FRMD4B: variants seen among roughly 807,000 people sequenced by gnomAD.
FRMD4B encodes FERM domain-containing protein 4B.
Under a neutral mutation model 141.5 loss-of-function variants are expected in FRMD4B, and 74 were observed. That is an observed-to-expected ratio of 0.52 (90% CI 0.43 to 0.63). The LOEUF is 0.63. Among genes scored for constraint, FRMD4B ranks in the 30% least tolerant of loss-of-function variants. The pLI, the probability that FRMD4B is intolerant of heterozygous loss-of-function variation, is 0.00. For synonymous variants in FRMD4B, 506 were observed against 467.9 expected (o/e 1.08, Z -1.05); for missense variants, 1,366 against 1,253.4 (o/e 1.09, Z -1.36).
chr3:69,309,607 A>AT (rs34067186), intron 3 of FRMD4B, among the ~76,000 whole-genome samples: 35,540 of 109,074 alleles, frequency 0.33, 6,557 homozygotes, highest in Non-Finnish European at 0.38. Flanking sequence ...TACCTGGCTG[A>AT]TTTTTTTTTT....
chr3:69,531,505 G>C (rs1701008005), intron 1 of FRMD4B, among the ~76,000 whole-genome samples: 1 of 152,178 alleles, frequency 6.6e-6, no homozygotes. Context: ...AATCACTTAA[G>C]TGAAACAAAT....
chr3:69,535,934 C>A, intron 1 of FRMD4B: 1 of 387,630 alleles, frequency 2.6e-6, no homozygotes, highest in South Asian at 2.0e-5. Context: ...TCCCAGCTTT[C>A]ATTTTCCTGT....
chr3:69,193,180 T>A (rs1311090747), intron 17 of FRMD4B, among the ~76,000 whole-genome samples: 2 of 152,148 alleles, frequency 1.3e-5, no homozygotes, highest in Non-Finnish European at 2.9e-5. Context: ...GTGTACATAC[T>A]TATAAAACTG....
chr3:69,382,231 C>T (rs984912842), intron 1 of FRMD4B, among the ~76,000 whole-genome samples: 1 of 152,032 alleles, frequency 6.6e-6, no homozygotes, highest in Non-Finnish European at 1.5e-5. Flanking sequence ...GTAGAGATGG[C>T]GTTTTGCCAT....
At chr3:69,528,343 C>A (rs961180325) in intron 1 of FRMD4B, among the ~76,000 whole-genome samples, 2 of 145,352 alleles carry the variant, frequency 1.4e-5, no homozygotes, top group Non-Finnish European at 3.0e-5. Context: ...CTCTCTTTTT[C>A]TTTCCTTTTC....
At chr3:69,451,429 G>A (rs1171164055) in intron 1 of FRMD4B, among the ~76,000 whole-genome samples, 1 of 152,162 alleles carries the variant, frequency 6.6e-6, no homozygotes, top group Non-Finnish European at 1.5e-5. Context: ...AATATATTGT[G>A]ATTGATCAGC....
At chr3:69,512,623 T>C (rs1186281567) in intron 1 of FRMD4B, among the ~76,000 whole-genome samples, 1 of 152,164 alleles carries the variant, frequency 6.6e-6, no homozygotes, top group Non-Finnish European at 1.5e-5. Flanking sequence ...CCAGATATTA[T>C]TATTTCCTCA....
At position 69,216,308 on chromosome 3, in the gene FRMD4B, C is replaced by CT; in HGVS notation, c.830dup (p.Ile279AsnfsTer5). ...CTTGTATATCATATTGGCCAATTCC[C>CT]TTATAGCTTATTCCAAGCCACCAAG... is the stretch of plus-strand genomic sequence containing the variant. On this transcript the variant is annotated frameshift_variant, in exon 11 of 23. Coordinates refer to ENST00000398540, the MANE Select transcript of FRMD4B (RefSeq NM_015123.3). LOFTEE classifies it high-confidence loss of function. The CT allele has an allele frequency of 6.3e-7, 1 of 1,579,614 alleles. No homozygotes were observed. The highest frequency in any genetic ancestry group is 8.6e-7 in the Non-Finnish European group (1 of 1,157,820).
chr3:69,397,911 G>A (rs544732653), intron 2 of FRMD4B, among the ~76,000 whole-genome samples: 2 of 152,166 alleles, frequency 1.3e-5, no homozygotes, highest in Non-Finnish European at 2.9e-5. Flanking sequence ...AAAAAAGAGA[G>A]GTAAAACCAC....
intron 11 of FRMD4B, among the ~76,000 whole-genome samples, chr3:69,212,461 G>A (rs2093096208): frequency 6.7e-6 from 1 of 148,566 alleles, no homozygotes; most frequent in South Asian, 2.2e-4. Flanking sequence ...GGAGTGGCAT[G>A]TTTTGGAACT....
At chr3:69,501,446 T>C (rs1282017922) in intron 1 of FRMD4B, among the ~76,000 whole-genome samples, 1 of 152,118 alleles carries the variant, frequency 6.6e-6, no homozygotes, top group Non-Finnish European at 1.5e-5. Flanking sequence ...ATAGCATTGT[T>C]GTAAGAATTA....
chr3:69,191,381 C>T (rs1335256669), intron 17 of FRMD4B, among the ~76,000 whole-genome samples: 2 of 152,176 alleles, frequency 1.3e-5, no homozygotes, highest in Non-Finnish European at 2.9e-5. Flanking sequence ...GATCATGCCA[C>T]TGCACTCCAG....
At chr3:69,321,228 G>A (rs1025755768) in intron 1 of FRMD4B, among the ~76,000 whole-genome samples, 2 of 152,160 alleles carry the variant, frequency 1.3e-5, no homozygotes, top group Non-Finnish European at 2.9e-5. Context: ...TAACAACGGG[G>A]TCGTCTTACA....
At chr3:69,207,489 A>G (rs1300143830) in intron 11 of FRMD4B, among the ~76,000 whole-genome samples, 1 of 152,074 alleles carries the variant, frequency 6.6e-6, no homozygotes, top group Non-Finnish European at 1.5e-5. Flanking sequence ...CCATGTGGTA[A>G]ATGCTTAGAC....
intron 5 of FRMD4B, among the ~76,000 whole-genome samples, chr3:69,285,671 C>T (rs1700658033): frequency 6.6e-6 from 1 of 151,974 alleles, no homozygotes; most frequent in African/African-American, 2.4e-5. Context: ...TGGCGAAACC[C>T]CATTGCTACA....
At chr3:69,179,655 A>G (rs1397653387) in intron 21 of FRMD4B, among the ~76,000 whole-genome samples, 3 of 152,164 alleles carry the variant, frequency 2.0e-5, no homozygotes, top group African/African-American at 4.8e-5. Context: ...CTATTATACA[A>G]TGACTCAGGA....
intron 1 of FRMD4B, among the ~76,000 whole-genome samples, chr3:69,474,000 C>T (rs1407950733): frequency 6.6e-6 from 1 of 152,156 alleles, no homozygotes; most frequent in Non-Finnish European, 1.5e-5. Context: ...TTCCAACCTT[C>T]CCTACACAAT....
upstream of FRMD4B, among the ~76,000 whole-genome samples, chr3:69,387,569 G>T (rs1417110455): frequency 6.6e-6 from 1 of 152,104 alleles, no homozygotes; most frequent in African/African-American, 2.4e-5. Flanking sequence ...CTATTAAGTG[G>T]CACCAAAAGG....
intron 1 of FRMD4B, among the ~76,000 whole-genome samples, chr3:69,450,507 C>G (rs1327947582): frequency 6.6e-6 from 1 of 152,174 alleles, no homozygotes; most frequent in Non-Finnish European, 1.5e-5. Flanking sequence ...AATCCCAGCA[C>G]TTTGGGCGGC....
Sources: gnomAD v4.1 joint callset for allele counts (sites outside exome capture counted in the v4.1 genomes callset) on GRCh38, gnomAD v4.1.1 for gene constraint, MANE v1.5 for transcripts, NCBI Gene and HGNC (gene_info 2026-07-23, HGNC 2026-07-21) for gene names.